Variants in GALNT17 observed in about 807,000 individuals in gnomAD.
GALNT17 encodes polypeptide N-acetylgalactosaminyltransferase 17.
Under a neutral mutation model 63.7 loss-of-function variants are expected in GALNT17, and 29 were observed. The ratio of observed to expected loss-of-function variants is 0.46; its 90% CI spans 0.34 to 0.62. GALNT17 has a LOEUF of 0.62. GALNT17 is among the 20% of genes least tolerant of loss of function. The probability of loss-of-function intolerance (pLI) is 0.01; values close to 1 mark genes in which losing one functional copy is unlikely to be tolerated. For synonymous variants in GALNT17, 305 were observed against 318.3 expected (o/e 0.96, Z 0.45); for missense variants, 603 against 799.6 (o/e 0.75, Z 2.97).
At chr7:71,694,064 C>A (rs1419035099) in intron 9 of GALNT17, among the ~76,000 whole-genome samples, 1 of 152,070 alleles carries the variant, frequency 6.6e-6, no homozygotes, top group African/African-American at 2.4e-5. Context: ...CTGGGGAGGC[C>A]TCACAATCAC....
At chr7:71,285,888 T>C (rs975537428) in intron 1 of GALNT17, among the ~76,000 whole-genome samples, 2 of 152,226 alleles carry the variant, frequency 1.3e-5, no homozygotes, top group Non-Finnish European at 2.9e-5. Flanking sequence ...TTCTTTGAAT[T>C]GAGGACATTA....
At chr7:71,549,511 T>C (rs893161080) in intron 5 of GALNT17, among the ~76,000 whole-genome samples, 1 of 152,142 alleles carries the variant, frequency 6.6e-6, no homozygotes, top group African/African-American at 2.4e-5. Context: ...AGGAGTTTGA[T>C]GCTGCAGTGA....
At chr7:71,525,080 G>C (rs562529320) in intron 5 of GALNT17, among the ~76,000 whole-genome samples, 1 of 152,194 alleles carries the variant, frequency 6.6e-6, no homozygotes, top group Non-Finnish European at 1.5e-5. Context: ...AAAAGTGACT[G>C]TGGCTTTTAC....
intron 6 of GALNT17, among the ~76,000 whole-genome samples, chr7:71,633,975 A>G (rs1033555021): frequency 6.6e-6 from 1 of 152,208 alleles, no homozygotes; most frequent in African/African-American, 2.4e-5. Context: ...GCCCACACAC[A>G]TGGTGTGACT....
chr7:71,678,912 G>C (rs527786807), intron 9 of GALNT17, among the ~76,000 whole-genome samples: 6 of 147,788 alleles, frequency 4.1e-5, no homozygotes, highest in Non-Finnish European at 3.0e-5. Context: ...AGCTGAGATC[G>C]TGCCACCGCA....
At chr7:71,655,983 T>A (rs1434306876) in intron 6 of GALNT17, among the ~76,000 whole-genome samples, 1 of 152,176 alleles carries the variant, frequency 6.6e-6, no homozygotes, top group Admixed American at 6.6e-5. Context: ...AATTTGTTCC[T>A]CTTTTCCCAC....
chr7:71,337,747 A>C (rs1286316847), intron 2 of GALNT17, among the ~76,000 whole-genome samples: 1 of 151,874 alleles, frequency 6.6e-6, no homozygotes, highest in Non-Finnish European at 1.5e-5. Context: ...AGGCTCCTAT[A>C]ATCCCAGCTA....
At position 71,655,458 on chromosome 7, in the gene GALNT17, A is replaced by G. The variant is rs147546211; in HGVS notation, c.1081-9953A>G. ...TCCAGATGATTCCTCAAGAAAGTCA[A>G]CACCGGGGTAGGCAGCCTCTGCGGT... On this transcript the variant is annotated intron_variant, in intron 6 of 10. Transcript: ENST00000333538. 5.4e-3 allele frequency among the ~76,000 whole-genome samples: 822 copies of G among 152,266 alleles called. 16 individuals carry two copies. Among genetic ancestry groups the G allele is most frequent in the African/African-American group, 0.019 (787 of 41,558 alleles).
chr7:71,653,388 A>G lies in GALNT17; in HGVS notation c.1081-12023A>G, dbSNP rs1324758338. On this transcript the variant is annotated intron_variant, in intron 6 of 10. Coordinates refer to ENST00000333538, the MANE Select transcript of GALNT17 (RefSeq NM_022479.3). ...AGAAATTGACACATGGAAGCTGTAC[A>G]TTGTTTCGACCTATAAAAGTAGGAC... 6.0e-5 allele frequency among the ~76,000 whole-genome samples: 9 copies of G among 151,250 alleles called. No individual in the cohort carries two copies. In the South Asian group the frequency reaches 6.3e-4, roughly 11 times the overall value.
At chr7:71,465,204 T>G (rs1787515242) in intron 5 of GALNT17, among the ~76,000 whole-genome samples, 1 of 152,206 alleles carries the variant, frequency 6.6e-6, no homozygotes, top group Non-Finnish European at 1.5e-5. Context: ...TCACATAACA[T>G]GCTTACTTGT....
intron 1 of GALNT17, among the ~76,000 whole-genome samples, chr7:71,201,256 T>TATATATATATATATATATATATATATAA (rs1562909684): frequency 2.0e-5 from 3 of 149,658 alleles, no homozygotes; most frequent in African/African-American, 7.4e-5. Context: ...TATATATATA[T>TATATATATATATATATATATATATATAA]AATTTGTGTG....
At chr7:71,562,019 G>A (rs1487093469) in intron 5 of GALNT17, among the ~76,000 whole-genome samples, 5 of 151,748 alleles carry the variant, frequency 3.3e-5, no homozygotes, top group Non-Finnish European at 5.9e-5. Context: ...GCAGTGGTGC[G>A]ATCATAGCAC....
intron 1 of GALNT17, among the ~76,000 whole-genome samples, chr7:71,214,870 A>G (rs10262011): frequency 0.042 from 6,317 of 152,150 alleles, 436 homozygotes; most frequent in African/African-American, 0.14. Context: ...GAGCCACCGC[A>G]CCTGGCCTTT....
rs906198217 is a variant in GALNT17 at position 71,391,521 on chromosome 7, C to T, written c.589+3120C>T. The stretch of plus-strand genomic sequence containing the variant: ...TTTGAGACAGGGTCTCTCACTCTGT[C>T]GCCCGGGCTGGAGTGCGGTGGTGCG... On this transcript the variant is annotated intron_variant, in intron 3 of 10. Transcript: ENST00000333538. Among the ~76,000 whole-genome samples the T allele has an allele frequency of 5.3e-5, 8 of 152,242 alleles. No individual in the cohort carries two copies. The South Asian group carries it at 1.2e-3, about 24-fold the overall frequency.
intron 5 of GALNT17, among the ~76,000 whole-genome samples, chr7:71,551,770 AAAAGAGAG>A (rs1562687507): frequency 7.8e-5 from 8 of 102,054 alleles, no homozygotes; most frequent in Admixed American, 9.6e-5. Flanking sequence ...AAAAAAAAAA[AAAAGAGAG>A]AGAGAGAGAG....
At chr7:71,641,114 A>G (rs572444921) in intron 6 of GALNT17, among the ~76,000 whole-genome samples, 8 of 152,312 alleles carry the variant, frequency 5.3e-5, no homozygotes, top group Non-Finnish European at 7.3e-5. Flanking sequence ...GAGGTCTGTC[A>G]TTGGGAACCT....
intron 5 of GALNT17, among the ~76,000 whole-genome samples, chr7:71,445,000 G>A (rs1307021879): frequency 6.6e-6 from 1 of 152,078 alleles, no homozygotes; most frequent in Non-Finnish European, 1.5e-5. Flanking sequence ...TCTCTGGAGG[G>A]AAAGTGACAG....
At chr7:71,534,598 CAAAAAAA>C (rs371592743) in intron 5 of GALNT17, among the ~76,000 whole-genome samples, 1 of 108,284 alleles carries the variant, frequency 9.2e-6, no homozygotes. Flanking sequence ...GACTCCATCT[CAAAAAAA>C]AAAAAAAAAA....
In GALNT17 at chr7:71,266,599, A is replaced by G. The variant is rs1790496514; in HGVS notation, c.239-68951A>G. Among the ~76,000 whole-genome samples, 10 of 152,324 alleles carry G rather than the reference A, an allele frequency of 6.6e-5. 1 individual carries two copies. In the South Asian group the frequency reaches 2.1e-3, roughly 32 times the overall value. ...TACCCAGGCTCAGGTAGAGCTTTATAGGTATAGAGATTGGACTAATACATC... is the reference window on the plus strand; with the variant it reads ...TACCCAGGCTCAGGTAGAGCTTTATGGGTATAGAGATTGGACTAATACATC... On this transcript the variant is annotated intron_variant, in intron 1 of 10. Coordinates refer to ENST00000333538, the MANE Select transcript of GALNT17 (RefSeq NM_022479.3).
Sources: allele counts gnomAD v4.1 joint callset (sites outside exome capture counted in the v4.1 genomes callset), GRCh38; gene constraint gnomAD v4.1.1; transcripts MANE v1.5; gene names NCBI Gene and HGNC (gene_info 2026-07-23, HGNC 2026-07-21).